The following ZNF558 variants were observed in gnomAD, a reference collection of about 807,000 sequenced individuals.
The protein encoded by ZNF558 is zinc finger protein 558.
ZNF558 carries 23 observed loss-of-function variants against 37.6 expected under a neutral mutation model. The observed-to-expected ratio is 0.61, with a 90% CI of 0.44 to 0.87. ZNF558 has a LOEUF of 0.87. Among genes scored for constraint, ZNF558 ranks in the 40% least tolerant of loss-of-function variants. The pLI, the probability that ZNF558 is intolerant of heterozygous loss-of-function variation, is 0.00. For missense variants in ZNF558, 429 were observed against 483.7 expected (o/e 0.89, Z 1.06); for synonymous variants, 189 against 174.4 (o/e 1.08, Z -0.66).
At chr19:8,827,105 G>A (rs966083578) in intron 2 of ZNF558, among the ~76,000 whole-genome samples, 4 of 147,142 alleles carry the variant, frequency 2.7e-5, no homozygotes, top group African/African-American at 1.1e-4. Context: ...AGGCTGTCTG[G>A]AAGCAGAAAT....
At chr19:8,837,318 A>G in the ZNF558 span, among the ~76,000 whole-genome samples, 1 of 152,230 alleles carries the variant, frequency 6.6e-6, no homozygotes, top group South Asian at 2.1e-4. Context: ...ATTAGTAACA[A>G]TGGCAAAATA....
intron 6 of ZNF558, 112 bp from the exon 7 acceptor site, chr19:8,821,418 TG>T (rs74176667): frequency 1.3e-4 from 212 of 1,586,118 alleles, no homozygotes; most frequent in Middle Eastern, 1.9e-4. Context: ...CACGAGATGT[TG>T]GGGGGGGTGG....
chr19:8,833,417 T>A (rs967631421), upstream of ZNF558: 8 of 152,260 alleles, frequency 5.3e-5, no homozygotes, highest in African/African-American at 1.9e-4. Flanking sequence ...CTTTCAGTTC[T>A]TTTGCTCAGA....
Position 8,806,604 on chromosome 19 carries a change from C to G in ZNF558, c.*4677G>C, listed in dbSNP as rs1555766338. On this transcript the variant is annotated 3_prime_UTR_variant, in exon 10 of 10. Coordinates refer to ENST00000601372, the MANE Select transcript of ZNF558 (RefSeq NM_144693.3). ...GTCCCAGCTACTCAGGAGGCTGAGG[C>G]AGGAGAATCACTTGAACCCAGGAGG... 6.7e-6 allele frequency: 1 copy of G among 150,070 alleles called. No homozygotes were observed. The highest frequency in any genetic ancestry group is 2.0e-4 in the East Asian group (1 of 5,104). 9.3% of individuals were successfully genotyped at this position (150,070 alleles called of 1,614,324 possible).
At chr19:8,827,418 T>C (rs1276181475) in intron 2 of ZNF558, among the ~76,000 whole-genome samples, 1 of 152,126 alleles carries the variant, frequency 6.6e-6, no homozygotes, top group Non-Finnish European at 1.5e-5. Context: ...GTCCTTGTTA[T>C]CTGCATGCTT....
At chr19:8,821,604 C>G (rs961099751) in intron 6 of ZNF558, 1 of 1,349,996 alleles carries the variant, frequency 7.4e-7, no homozygotes, top group Non-Finnish European at 9.5e-7. Flanking sequence ...CTCACTCAGA[C>G]TGGGAGCTCC....
At position 8,810,446 on chromosome 19, in the gene ZNF558, A is replaced by T. The variant is rs1173483755; in HGVS notation, c.*835T>A. The T allele has an allele frequency of 6.6e-6, 1 of 152,252 alleles. No homozygotes were observed. The highest frequency in any genetic ancestry group is 1.5e-5 in the Non-Finnish European group (1 of 68,054). 9.4% of individuals were successfully genotyped at this position (152,252 alleles called of 1,614,324 possible). On this transcript the variant is annotated 3_prime_UTR_variant, in exon 10 of 10. Transcript: ENST00000601372. ...AGCTGTCACATGAATCCCTGCTGAT[A>T]GCACTGAAGGCTTTCTACAGCTGTT...
At position 8,812,074 on chromosome 19, in the gene ZNF558, A is replaced by C; in HGVS notation, c.427-11T>G. On this transcript the variant is annotated splice_polypyrimidine_tract_variant and intron_variant, in intron 9 of 9. Transcript: ENST00000601372. Reference sequence around the variant, plus strand: ...ACGATGACTTCTTTCCTGTGGATTAAGAGATGAATGATAACTATAATTTAT... The same window carrying C: ...ACGATGACTTCTTTCCTGTGGATTACGAGATGAATGATAACTATAATTTAT... 1.3e-6 allele frequency: 2 copies of C among 1,532,774 alleles called. No individual in the cohort carries two copies. The highest frequency in any genetic ancestry group is 1.7e-6 in the Non-Finnish European group (2 of 1,144,798). 94.9% of individuals were successfully genotyped at this position (1,532,774 alleles called of 1,614,324 possible). A position where few individuals can be genotyped will look rare whatever the true frequency, so the allele number is the denominator to read the frequency against.
chr19:8,830,122 T>C (rs527488424), intron 2 of ZNF558, among the ~76,000 whole-genome samples: 3 of 152,280 alleles, frequency 2.0e-5, no homozygotes, highest in Admixed American at 6.5e-5. Context: ...CAAGATCTGA[T>C]GGTTTAGAAG....
Position 8,811,273 on chromosome 19 carries a change from G to A in ZNF558, c.*8C>T. 1.3e-6 allele frequency: 2 copies of A among 1,544,176 alleles called. No homozygotes were observed. Among genetic ancestry groups the A allele is most frequent in the East Asian group, 2.3e-5 (1 of 44,364 alleles). ...TGAGTGCTTTCCTCCAGAAGTTCCTGCAGTAATTCATATCCATCTATTATG... is the reference window on the plus strand; with the variant it reads ...TGAGTGCTTTCCTCCAGAAGTTCCTACAGTAATTCATATCCATCTATTATG... On this transcript the variant is annotated 3_prime_UTR_variant, in exon 10 of 10. Transcript: ENST00000601372.
chr19:8,826,116 C>G (rs899547835), intron 2 of ZNF558, among the ~76,000 whole-genome samples: 10 of 152,036 alleles, frequency 6.6e-5, no homozygotes, highest in African/African-American at 1.7e-4. Context: ...TCAGGGAAGG[C>G]TGGTGGCCTC....
At chr19:8,818,384 G>T (rs551525620) in intron 7 of ZNF558, among the ~76,000 whole-genome samples, 1 of 152,048 alleles carries the variant, frequency 6.6e-6, no homozygotes. Context: ...CCTGGGAGGC[G>T]GAGGTTGCAG....
intron 7 of ZNF558, among the ~76,000 whole-genome samples, chr19:8,820,419 C>T (rs1025352924): frequency 5.3e-5 from 8 of 152,176 alleles, no homozygotes; most frequent in Admixed American, 3.9e-4. Flanking sequence ...TATGTCCATA[C>T]AATGGAATAT....
rs2044127823 is a variant in ZNF558 at position 8,822,788 on chromosome 19, G to T, written c.-65-64C>A. The T allele has an allele frequency of 4.9e-6, 7 of 1,442,792 alleles. No individual in the cohort carries two copies. Among genetic ancestry groups the T allele is most frequent in the Non-Finnish European group, 6.7e-6 (7 of 1,041,624 alleles). The allele number at this position is 1,442,792 out of a possible 1,614,324, so 89.4% of individuals were successfully genotyped here. A position where few individuals can be genotyped will look rare whatever the true frequency, so the allele number is the denominator to read the frequency against. On this transcript the variant is annotated intron_variant, in intron 4 of 9. Transcript: ENST00000601372. This position sits in a 1 kb window ranked among gnomAD's most constrained non-coding sequence, Gnocchi z 4.4. ...CTCCCTCTCGGGCTGCTGGGGATGG[G>T]CCCTCCTCAACCCATCCTTCCCATC...
intron 2 of ZNF558, among the ~76,000 whole-genome samples, chr19:8,826,109 G>C (rs1415063611): frequency 1.3e-5 from 2 of 152,106 alleles, no homozygotes; most frequent in East Asian, 3.9e-4. Flanking sequence ...GCCACAGTCA[G>C]GGAAGGCTGG....
rs1285927124 is a variant in ZNF558 at position 8,807,281 on chromosome 19, G to GCT, written c.*3998_*3999dup. 5 of 152,328 alleles carry GCT rather than the reference G, an allele frequency of 3.3e-5. No individual in the cohort carries two copies. The highest frequency in any genetic ancestry group is 1.2e-4 in the African/African-American group (5 of 41,408). The allele number at this position is 152,328 out of a possible 1,614,324, so 9.4% of individuals were successfully genotyped here. ...TCCCTTCAGGCTGTGAGGTGTTAGA[G>GCT]CTCTGCCCTGCTAAGCTGCTGGGTG... On this transcript the variant is annotated 3_prime_UTR_variant, in exon 10 of 10. Transcript: ENST00000601372.
At chr19:8,828,617 T>C (rs2044282692) in intron 2 of ZNF558, among the ~76,000 whole-genome samples, 1 of 152,216 alleles carries the variant, frequency 6.6e-6, no homozygotes, top group Non-Finnish European at 1.5e-5. Context: ...TGTATTGCTT[T>C]ATGATTTTGC....
chr19:8,815,363 TA>T (rs2043908552), intron 7 of ZNF558, among the ~76,000 whole-genome samples: 1 of 151,690 alleles, frequency 6.6e-6, no homozygotes, highest in Non-Finnish European at 1.5e-5. Flanking sequence ...GGAAGGCAAA[TA>T]AAAAAATTTG....
chr19:8,827,539 ATCTTGG>A (rs1405560209), intron 2 of ZNF558, among the ~76,000 whole-genome samples: 4 of 124,160 alleles, frequency 3.2e-5, no homozygotes, highest in South Asian at 5.5e-4. Flanking sequence ...CTCCCTCTTG[ATCTTGG>A]TCTTGGTCAC....
Sources: gnomAD v4.1 joint callset for allele counts (sites outside exome capture counted in the v4.1 genomes callset) on GRCh38, gnomAD v4.1.1 for gene constraint, Gnocchi (gnomAD v3.1) non-coding constraint, MANE v1.5 for transcripts, NCBI Gene and HGNC (gene_info 2026-07-23, HGNC 2026-07-21) for gene names.